The following PCDH15 variants were observed in gnomAD, a reference collection of about 807,000 sequenced individuals.
PCDH15 encodes the protein protocadherin related 15.
Under a neutral mutation model 178.5 loss-of-function variants are expected in PCDH15, and 129 were observed. The observed-to-expected ratio is 0.72, with a 90% CI of 0.63 to 0.84. PCDH15 has a LOEUF of 0.84. Ranked by LOEUF, PCDH15 falls within the 40% of genes least tolerant of loss-of-function variation. PCDH15 has a pLI of 0.00. For synonymous variants in PCDH15, 800 were observed against 732.0 expected (o/e 1.09, Z -1.50); for missense variants, 2,230 against 2,099.9 (o/e 1.06, Z -1.21).
intron 2 of PCDH15, among the ~76,000 whole-genome samples, chr10:55,609,588 A>G (rs1166056433): frequency 6.6e-6 from 1 of 152,146 alleles, no homozygotes; most frequent in African/African-American, 2.4e-5. Flanking sequence ...ATTTATGTAT[A>G]AAGATATTGT....
intron 3 of PCDH15, among the ~76,000 whole-genome samples, chr10:54,439,673 A>G (rs2075674277): frequency 6.6e-6 from 1 of 152,006 alleles, no homozygotes. Context: ...AAATGTTTTA[A>G]ATGCCATGTT....
At chr10:55,303,926 G>C (rs1293960705) in intron 1 of PCDH15, among the ~76,000 whole-genome samples, 1 of 151,946 alleles carries the variant, frequency 6.6e-6, no homozygotes, top group Non-Finnish European at 1.5e-5. Context: ...TCATTCTGTT[G>C]CATAGCATTA....
At chr10:53,839,649 CAGAGT>C (rs1371272400) in intron 29 of PCDH15, among the ~76,000 whole-genome samples, 7 of 147,526 alleles carry the variant, frequency 4.7e-5, no homozygotes, top group Admixed American at 2.7e-4. Context: ...TAGGTGTCAC[CAGAGT>C]AAAGAAAATT....
intron 2 of PCDH15, among the ~76,000 whole-genome samples, chr10:55,332,351 T>A (rs1236385785): frequency 6.6e-6 from 1 of 152,126 alleles, no homozygotes; most frequent in Non-Finnish European, 1.5e-5. Flanking sequence ...CAAATAAAAC[T>A]ATAGTACTTG....
chr10:55,219,023 T>G (rs1336464457), intron 1 of PCDH15, among the ~76,000 whole-genome samples: 1 of 151,986 alleles, frequency 6.6e-6, no homozygotes, highest in Non-Finnish European at 1.5e-5. Flanking sequence ...GGAAGCAACA[T>G]TCTCTCATAA....
chr10:54,041,504 T>C (rs1183599044), intron 18 of PCDH15, among the ~76,000 whole-genome samples: 1 of 152,064 alleles, frequency 6.6e-6, no homozygotes, highest in Non-Finnish European at 1.5e-5. Flanking sequence ...AATAATTGCC[T>C]TTTAAAAATT....
intron 1 of PCDH15, among the ~76,000 whole-genome samples, chr10:55,289,857 C>T (rs1588883690): frequency 6.6e-6 from 1 of 151,926 alleles, no homozygotes; most frequent in East Asian, 1.9e-4. Flanking sequence ...TGTGAGTTCT[C>T]TTGGGAGTGA....
chr10:55,384,345 T>C (rs1565082894), intron 2 of PCDH15, among the ~76,000 whole-genome samples: 1 of 152,178 alleles, frequency 6.6e-6, no homozygotes, highest in Non-Finnish European at 1.5e-5. Flanking sequence ...ATATTTCACT[T>C]TTGTTGAATT....
chr10:53,851,311 A>G (rs1369221892), intron 28 of PCDH15, among the ~76,000 whole-genome samples: 1 of 152,000 alleles, frequency 6.6e-6, no homozygotes, highest in East Asian at 1.9e-4. Context: ...CATATTTATT[A>G]ATATTGTTAT....
rs1245486591 is a variant in PCDH15 at position 54,369,229 on chromosome 10, T to C, written c.365A>G (p.Asn122Ser). 6.2e-6 allele frequency: 10 copies of C among 1,613,052 alleles called. No homozygotes were observed. The highest frequency in any genetic ancestry group is 8.5e-6 in the Non-Finnish European group (10 of 1,179,396). ...HSIVVQVQCI[N>S]KKVGTIIYHE... ...GTAGATAATAGTGCCCACTTTTTTG[T>C]TGATGCACTGGACCTGCACCACAAT... Residue 122 changes from asparagine to serine, a missense_variant, in exon 5 of 38, where the codon AAC (asparagine) becomes AGC (serine). Asn to Ser is a conservative substitution (Grantham distance 46, BLOSUM62 1). Transcript: ENST00000644397.
chr10:54,212,431 T>C (rs569503509), intron 10 of PCDH15, among the ~76,000 whole-genome samples: 61 of 152,262 alleles, frequency 4.0e-4, no homozygotes, highest in African/African-American at 1.4e-3. Context: ...TGTTAACTGC[T>C]TGTAGCCTGT....
At chr10:55,227,805 G>A (rs964431293) in intron 1 of PCDH15, among the ~76,000 whole-genome samples, 5 of 152,052 alleles carry the variant, frequency 3.3e-5, no homozygotes, top group African/African-American at 1.2e-4. Flanking sequence ...TATATTCAGA[G>A]GACGGGAGAA....
At chr10:54,286,562 T>C (rs2059038202) in intron 8 of PCDH15, among the ~76,000 whole-genome samples, 1 of 152,218 alleles carries the variant, frequency 6.6e-6, no homozygotes, top group East Asian at 1.9e-4. Context: ...TACTTTACAA[T>C]AGAAATTGTA....
At chr10:54,162,293 T>C (rs1240972149) in intron 13 of PCDH15, among the ~76,000 whole-genome samples, 1 of 152,194 alleles carries the variant, frequency 6.6e-6, no homozygotes. Context: ...GACTTTACTA[T>C]CAACTCCATG....
intron 18 of PCDH15, among the ~76,000 whole-genome samples, chr10:54,036,706 T>C (rs891231770): frequency 1.3e-5 from 2 of 151,930 alleles, no homozygotes; most frequent in Non-Finnish European, 2.9e-5. Context: ...CAACTTCCAC[T>C]CTGCAGCTCA....
chr10:55,549,270 G>T (rs948996843), intron 2 of PCDH15, among the ~76,000 whole-genome samples: 3 of 151,846 alleles, frequency 2.0e-5, no homozygotes, highest in African/African-American at 4.8e-5. Flanking sequence ...ACAATAAATA[G>T]AAGTTCAAAT....
intron 2 of PCDH15, among the ~76,000 whole-genome samples, chr10:55,077,242 T>C (rs192709852): frequency 6.6e-6 from 1 of 152,170 alleles, no homozygotes; most frequent in Non-Finnish European, 1.5e-5. Flanking sequence ...CATCTATAAC[T>C]TTTAAGTGAA....
At chr10:54,508,726 G>A (rs180944611) in intron 3 of PCDH15, among the ~76,000 whole-genome samples, 3 of 152,130 alleles carry the variant, frequency 2.0e-5, no homozygotes, top group African/African-American at 4.8e-5. Context: ...AAAATTAATC[G>A]CCGGATGATG....
rs186425874 is a variant in PCDH15, at chr10:55,434,733, G to A, written c.-156+192892C>T. ...TGATTCTCCTGCCTCAGCCTCCCAA[G>A]TAGCTGGGATTACAGGTGCCCACCA... is the stretch of plus-strand genomic sequence containing the variant. On this transcript the variant is annotated intron_variant, in intron 2 of 5. Coordinates refer to the PCDH15 transcript ENST00000613346. Among the ~76,000 whole-genome samples the A allele has an allele frequency of 3.1e-3, 473 of 151,932 alleles. 2 individuals are homozygous for A. Among genetic ancestry groups the A allele is most frequent in the Non-Finnish European group, 4.8e-3 (324 of 67,966 alleles).
Sources: allele counts gnomAD v4.1 joint callset (sites outside exome capture counted in the v4.1 genomes callset), GRCh38; gene constraint gnomAD v4.1.1; transcripts MANE v1.5; gene names NCBI Gene and HGNC (gene_info 2026-07-23, HGNC 2026-07-21).